The following CARMIL1 variants were observed in gnomAD, a reference collection of about 807,000 sequenced individuals.
The protein encoded by CARMIL1 is F-actin-uncapping protein LRRC16A.
Under a neutral mutation model 177.1 loss-of-function variants are expected in CARMIL1, and 90 were observed. That is an observed-to-expected ratio of 0.51 (90% CI 0.43 to 0.61). CARMIL1 has a LOEUF of 0.61. CARMIL1 is among the 20% of genes least tolerant of loss of function. CARMIL1 has a pLI of 0.00. For synonymous variants in CARMIL1, 577 were observed against 606.2 expected, an observed-to-expected ratio of 0.95 and a Z score of 0.71; for missense variants, 1,380 against 1,667.0, an observed-to-expected ratio of 0.83 and a Z score of 3.00.
chr6:25,606,275 T>G lies in CARMIL1; in HGVS notation c.3847+2T>G. 1 of 1,612,372 alleles carries G rather than the reference T, an allele frequency of 6.2e-7. No homozygotes were observed. ...AACCAAGAACCGCCTCACGGCCTGGTAAGAGTTTTGCAGTTAGGGAGTTGC... is the reference window on the plus strand; with the variant it reads ...AACCAAGAACCGCCTCACGGCCTGGGAAGAGTTTTGCAGTTAGGGAGTTGC... On this transcript the variant is annotated splice_donor_variant, in intron 35 of 36. Transcript: ENST00000329474. LOFTEE classifies it high-confidence loss of function.
At chr6:25,546,536 C>T (rs1319823569) in intron 26 of CARMIL1, among the ~76,000 whole-genome samples, 1 of 151,678 alleles carries the variant, frequency 6.6e-6, no homozygotes, top group Non-Finnish European at 1.5e-5. Context: ...CTCATCTCTA[C>T]AAAAATTTTA....
intron 22 of CARMIL1, 32 bp downstream of exon 22, chr6:25,517,447 A>T (rs573038326): frequency 6.3e-7 from 1 of 1,581,568 alleles, no homozygotes; most frequent in South Asian, 1.1e-5. Context: ...TTTCTAGGAA[A>T]ATAAAAAAAC....
intron 2 of CARMIL1, among the ~76,000 whole-genome samples, chr6:25,402,753 G>A (rs1265936112): frequency 6.6e-6 from 1 of 152,132 alleles, no homozygotes; most frequent in African/African-American, 2.4e-5. Flanking sequence ...TGAATGTGCA[G>A]ATACAGAACA....
chr6:25,308,222 A>G (rs1384457082), intron 2 of CARMIL1, among the ~76,000 whole-genome samples: 1 of 152,152 alleles, frequency 6.6e-6, no homozygotes, highest in Non-Finnish European at 1.5e-5. Context: ...CTGTGCAGGA[A>G]TTAAGCTTAA....
intron 31 of CARMIL1, among the ~76,000 whole-genome samples, chr6:25,583,833 C>A (rs375699862): frequency 2.0e-5 from 3 of 151,474 alleles, no homozygotes; most frequent in Non-Finnish European, 4.4e-5. Flanking sequence ...CCCCCCCACC[C>A]GCCTCCCGCC....
At chr6:25,421,609 G>A (rs1795862170) in intron 3 of CARMIL1, among the ~76,000 whole-genome samples, 1 of 151,562 alleles carries the variant, frequency 6.6e-6, no homozygotes, top group Non-Finnish European at 1.5e-5. Flanking sequence ...CAATAGCAAA[G>A]ACTTGGAACC....
In CARMIL1 at chr6:25,381,904, G is replaced by A. The variant is rs144921031; in HGVS notation, c.139-38210G>A. Among the ~76,000 whole-genome samples, 16 of 152,054 alleles carry A rather than the reference G, an allele frequency of 1.1e-4. No individual in the cohort carries two copies. In the East Asian group the frequency reaches 2.5e-3, roughly 24 times the overall value. ...GAAAGTTCATTCCTCAAATTTCGTG[G>A]TTGGTTCCCCTGGCAACCACCAGCC... On this transcript the variant is annotated intron_variant, in intron 2 of 36. Coordinates refer to ENST00000329474, the MANE Select transcript of CARMIL1 (RefSeq NM_017640.6).
intron 8 of CARMIL1, among the ~76,000 whole-genome samples, chr6:25,453,883 C>T (rs756202807): frequency 1.3e-5 from 2 of 152,026 alleles, no homozygotes; most frequent in Admixed American, 1.3e-4. Flanking sequence ...TTTGGACTTA[C>T]TTTATTATGC....
At chr6:25,527,812 A>C (rs1308226133) in intron 23 of CARMIL1, 4 of 277,712 alleles carry the variant, frequency 1.4e-5, no homozygotes, top group Non-Finnish European at 2.1e-5. Flanking sequence ...ATTAAGTAAT[A>C]GTCATTTTAG....
chr6:25,475,715 C>T (rs1478266553), intron 11 of CARMIL1, among the ~76,000 whole-genome samples: 2 of 152,186 alleles, frequency 1.3e-5, no homozygotes, highest in African/African-American at 4.8e-5. Flanking sequence ...ACTTAAAACA[C>T]CACACATTGT....
intron 4 of CARMIL1, among the ~76,000 whole-genome samples, chr6:25,429,766 A>T (rs768619755): frequency 9.3e-5 from 14 of 150,830 alleles, no homozygotes; most frequent in Admixed American, 4.6e-4. Flanking sequence ...TCTTAAAATG[A>T]TTAGTTATAT....
intron 2 of CARMIL1, among the ~76,000 whole-genome samples, chr6:25,373,946 C>T (rs73383448): frequency 0.015 from 2,301 of 152,184 alleles, 59 homozygotes; most frequent in African/African-American, 0.052. Flanking sequence ...AATCATCTAT[C>T]GATTTTGTTT....
At chr6:25,498,819 A>G (rs2151016264) in intron 16 of CARMIL1, among the ~76,000 whole-genome samples, 1 of 152,326 alleles carries the variant, frequency 6.6e-6, no homozygotes, top group South Asian at 2.1e-4. Flanking sequence ...TACTGCGCCC[A>G]TGAAAGAAAG....
At chr6:25,332,275 C>T (rs766514918) in intron 2 of CARMIL1, among the ~76,000 whole-genome samples, 7 of 152,096 alleles carry the variant, frequency 4.6e-5, no homozygotes, top group South Asian at 2.1e-4. Flanking sequence ...CCCATTTACT[C>T]GTTTGTTTAC....
intron 32 of CARMIL1, among the ~76,000 whole-genome samples, chr6:25,600,070 G>A (rs531307642): frequency 2.0e-5 from 3 of 152,248 alleles, no homozygotes; most frequent in African/African-American, 7.2e-5. Flanking sequence ...CAAACTGGCT[G>A]TACCAGTTAC....
chr6:25,365,703 C>T (rs146383105), intron 2 of CARMIL1, among the ~76,000 whole-genome samples: 35 of 152,200 alleles, frequency 2.3e-4, no homozygotes, highest in Middle Eastern at 6.8e-3. Context: ...TAGGCATGTG[C>T]CACTGTACCT....
chr6:25,546,392 G>A lies in CARMIL1; in HGVS notation c.2329-4518G>A, dbSNP rs72839077. Among the ~76,000 whole-genome samples the A allele has an allele frequency of 7.6e-3, 1,156 of 152,180 alleles. 7 individuals carry two copies. Among genetic ancestry groups the A allele is most frequent in the Non-Finnish European group, 0.013 (890 of 67,978 alleles). On this transcript the variant is annotated intron_variant, in intron 26 of 36. Coordinates refer to ENST00000329474, the MANE Select transcript of CARMIL1 (RefSeq NM_017640.6). ...TTGAATTTGTGTGATAAGGTTTCTA[G>A]AGGTAGAGCAATATGTAAAAAGTTA...
intron 34 of CARMIL1, among the ~76,000 whole-genome samples, chr6:25,605,569 T>A (rs1359365557): frequency 6.6e-6 from 1 of 152,146 alleles, no homozygotes; most frequent in Non-Finnish European, 1.5e-5. Context: ...GGGGATGAGA[T>A]GACATTTCTG....
chr6:25,522,151 T>A (rs1021317906), intron 23 of CARMIL1, among the ~76,000 whole-genome samples: 4 of 152,230 alleles, frequency 2.6e-5, no homozygotes, highest in Non-Finnish European at 4.4e-5. Flanking sequence ...GATACCTTCC[T>A]TCAAGTCTCA....
Sources: allele counts gnomAD v4.1 joint callset (sites outside exome capture counted in the v4.1 genomes callset), GRCh38; gene constraint gnomAD v4.1.1; transcripts MANE v1.5; gene names NCBI Gene and HGNC (gene_info 2026-07-23, HGNC 2026-07-21).